HEATR4: variants seen among roughly 807,000 people sequenced by gnomAD.
The protein encoded by HEATR4 is HEAT repeat-containing protein 4.
In HEATR4, 95 loss-of-function variants were observed where a neutral mutation model predicts 108.8. The ratio of observed to expected loss-of-function variants is 0.87; its 90% CI spans 0.74 to 1.04. The LOEUF is 1.04. Ranked by LOEUF, HEATR4 falls within the 50% of genes least tolerant of loss-of-function variation. The pLI is 0.00. For synonymous variants in HEATR4, 443 were observed against 459.4 expected (o/e 0.96, Z 0.46); for missense variants, 1,152 against 1,253.8 (o/e 0.92, Z 1.23).
chr14:73,534,968 T>G lies in HEATR4; in HGVS notation c.-151-4724A>C, dbSNP rs2140308410. Among the ~76,000 whole-genome samples, 2 of 113,334 alleles carry G rather than the reference T, an allele frequency of 1.8e-5. 1 individual carries two copies. Among genetic ancestry groups the G allele is most frequent in the South Asian group, 5.6e-4 (2 of 3,546 alleles). 74.4% of individuals were successfully genotyped at this position (113,334 alleles called of 152,430 possible). A position where few individuals can be genotyped will look rare whatever the true frequency, so the allele number is the denominator to read the frequency against. On this transcript the variant is annotated intron_variant, in intron 1 of 17. Coordinates refer to ENST00000553558, the MANE Select transcript of HEATR4 (RefSeq NM_001220484.1). The stretch of plus-strand genomic sequence containing the variant: ...AGCTACTGGGGGAGTGTTTGACTAG[T>G]CTTTTTAAAAAATATGTTAATATCT...
intron 7 of HEATR4, among the ~76,000 whole-genome samples, chr14:73,509,809 CCCATATATATATATATATATATATAT>C (rs1376031178): frequency 0.019 from 98 of 5,192 alleles, 5 homozygotes; most frequent in Admixed American, 0.031. Context: ...GCCCCATGAG[CCCATATATATATATATATATATATAT>C]ATATATATAT....
intron 1 of HEATR4, among the ~76,000 whole-genome samples, chr14:73,536,370 TGGGGAGCGCC>T (rs1888861745): frequency 9.1e-6 from 1 of 109,392 alleles, no homozygotes; most frequent in South Asian, 3.0e-4. Flanking sequence ...GCCCAATGCA[TGGGGAGCGCC>T]GGTAGTCCCT....
chr14:73,505,426 T>C (rs1886746983), intron 10 of HEATR4, among the ~76,000 whole-genome samples: 1 of 151,758 alleles, frequency 6.6e-6, no homozygotes, highest in Non-Finnish European at 1.5e-5. Context: ...AGACAGAGTC[T>C]CGCACTGTCG....
the HEATR4 span, among the ~76,000 whole-genome samples, chr14:73,597,564 TTTTTCTTTTTTTTTCTTTTTTCTTTTC>T: frequency 6.7e-6 from 1 of 149,734 alleles, no homozygotes; most frequent in Non-Finnish European, 1.5e-5. Flanking sequence ...TTTGTATTTC[TTTTTCTTTTTTTTTCTTTTTTCTTTTC>T]TTTTTTTTTT....
chr14:73,485,565 G>C (rs546837762), intron 17 of HEATR4, among the ~76,000 whole-genome samples: 1 of 152,080 alleles, frequency 6.6e-6, no homozygotes, highest in African/African-American at 2.4e-5. Flanking sequence ...ACCATGCCTG[G>C]CTAATTTTTG....
At chr14:73,584,266 A>G in the HEATR4 span, among the ~76,000 whole-genome samples, 3 of 151,516 alleles carry the variant, frequency 2.0e-5, no homozygotes, top group Admixed American at 6.6e-5. Context: ...TTCCAAGTGA[A>G]CTTTCCTTTC....
At chr14:73,593,715 C>G in the HEATR4 span, 1 of 1,611,674 alleles carries the variant, frequency 6.2e-7, no homozygotes, top group South Asian at 1.1e-5. Context: ...CTGGACCCTT[C>G]CCAGGGATCA....
the HEATR4 span, among the ~76,000 whole-genome samples, chr14:73,570,086 C>A: frequency 6.6e-6 from 1 of 150,904 alleles, no homozygotes; most frequent in Non-Finnish European, 1.5e-5. Flanking sequence ...AGCCACCGCG[C>A]CCGGCACTTT....
At chr14:73,570,568 CA>C in the HEATR4 span, among the ~76,000 whole-genome samples, 1 of 143,994 alleles carries the variant, frequency 6.9e-6, no homozygotes. Flanking sequence ...GACTCCGTCT[CA>C]AAAAAAAGAC....
chr14:73,598,554 T>C, the HEATR4 span, among the ~76,000 whole-genome samples: 1 of 151,874 alleles, frequency 6.6e-6, no homozygotes, highest in Non-Finnish European at 1.5e-5. Context: ...ACACCTGCCT[T>C]TGGAGCTTGA....
chr14:73,569,325 C>G, the HEATR4 span: 1 of 1,613,846 alleles, frequency 6.2e-7, no homozygotes, highest in African/African-American at 1.3e-5. Flanking sequence ...TGCTGTCCTT[C>G]GAGCGTCCCG....
At position 73,494,415 on chromosome 14, in the gene HEATR4, G is replaced by A. The variant is rs1595087716; in HGVS notation, c.2785+813C>T. ...CTCTTAAGAGTCTGTCACCATAATG[G>A]ATAGTTTTCTGTTATTTAAGGTTGA... On this transcript the variant is annotated intron_variant, in intron 16 of 17. Transcript: ENST00000553558. Among the ~76,000 whole-genome samples the A allele has an allele frequency of 2.6e-5, 4 of 152,300 alleles. No homozygotes were observed. The South Asian group carries it at 8.3e-4, about 32-fold the overall frequency.
chr14:73,525,722 T>C (rs1888285028), intron 2 of HEATR4, among the ~76,000 whole-genome samples: 6 of 152,048 alleles, frequency 3.9e-5, no homozygotes. Flanking sequence ...GGAGGCTAAA[T>C]TGGGCAAATC....
intron 17 of HEATR4, 52 bp downstream of exon 17, chr14:73,493,014 T>TC: frequency 6.3e-7 from 1 of 1,579,706 alleles, no homozygotes; most frequent in Non-Finnish European, 8.6e-7. Flanking sequence ...TTTTTTTTTT[T>TC]TCCTTAAACT....
chr14:73,595,453 C>T, the HEATR4 span: 1 of 1,614,202 alleles, frequency 6.2e-7, no homozygotes, highest in East Asian at 2.2e-5. Context: ...TCATCTGTTA[C>T]CCTGGGACTG....
chr14:73,542,550 G>A (rs1167458262), intron 1 of HEATR4, among the ~76,000 whole-genome samples: 1 of 105,152 alleles, frequency 9.5e-6, no homozygotes, highest in African/African-American at 3.3e-5. Context: ...GACTACAGGC[G>A]CATGCCACTT....
chr14:73,576,840 G>T, the HEATR4 span, among the ~76,000 whole-genome samples: 1 of 114,512 alleles, frequency 8.7e-6, no homozygotes, highest in South Asian at 2.7e-4. Context: ...TATATCACTT[G>T]ATATAAATAG....
the HEATR4 span, among the ~76,000 whole-genome samples, chr14:73,590,044 C>G: frequency 6.6e-6 from 1 of 152,154 alleles, no homozygotes; most frequent in Non-Finnish European, 1.5e-5. Context: ...AACTGAGCTA[C>G]CTTTATTACA....
chr14:73,579,091 G>GAA, the HEATR4 span, among the ~76,000 whole-genome samples: 44 of 94,132 alleles, frequency 4.7e-4, no homozygotes, highest in Admixed American at 7.3e-4. Flanking sequence ...TCAAAAAAAA[G>GAA]AAAAAAAAAA....
Sources: gnomAD v4.1 joint callset for allele counts (sites outside exome capture counted in the v4.1 genomes callset) on GRCh38, gnomAD v4.1.1 for gene constraint, MANE v1.5 for transcripts, NCBI Gene and HGNC (gene_info 2026-07-23, HGNC 2026-07-21) for gene names.